Variants in MORC1 observed in about 807,000 individuals in gnomAD.
MORC1 encodes MORC family CW-type zinc finger protein 1.
Under a neutral mutation model 134.9 loss-of-function variants are expected in MORC1, and 59 were observed. The observed-to-expected ratio is 0.44, with a 90% CI of 0.35 to 0.54. MORC1 has a LOEUF of 0.54. Ranked by LOEUF, MORC1 falls within the 20% of genes least tolerant of loss-of-function variation. MORC1 has a pLI of 0.00. For missense variants in MORC1, 947 were observed against 1,134.5 expected (o/e 0.83, Z 2.37); for synonymous variants, 395 against 391.7 (o/e 1.01, Z -0.10).
chr3:109,115,173 T>C (rs1228638529), intron 1 of MORC1, among the ~76,000 whole-genome samples: 2 of 152,202 alleles, frequency 1.3e-5, no homozygotes, highest in Non-Finnish European at 2.9e-5. Context: ...TAAGGGAATA[T>C]TCAGCATGCA....
chr3:108,963,044 G>A (rs10490845), intron 27 of MORC1, among the ~76,000 whole-genome samples: 54,923 of 151,844 alleles, frequency 0.36, 10,695 homozygotes, highest in Non-Finnish European at 0.43. Context: ...TCTGAACTAA[G>A]ATACAAAAGA....
At position 109,111,264 on chromosome 3, in the gene MORC1, C is replaced by T. The variant is rs541314555; in HGVS notation, c.120-481G>A. Among the ~76,000 whole-genome samples, 4 of 152,218 alleles carry T rather than the reference C, an allele frequency of 2.6e-5. No homozygotes were observed. In the South Asian group the frequency reaches 8.3e-4, roughly 32 times the overall value. On this transcript the variant is annotated intron_variant, in intron 2 of 27. Coordinates refer to ENST00000232603, the MANE Select transcript of MORC1 (RefSeq NM_014429.4). Reference sequence around the variant, plus strand: ...GTTAGAGGTTGGAAAACTATAGCCACGGACCAAAATGGCCCATCAACTGTT... The same window carrying T: ...GTTAGAGGTTGGAAAACTATAGCCATGGACCAAAATGGCCCATCAACTGTT...
intron 14 of MORC1, among the ~76,000 whole-genome samples, chr3:109,044,926 C>T (rs1162260078): frequency 4.5e-5 from 6 of 133,206 alleles, no homozygotes; most frequent in Non-Finnish European, 7.8e-5. Context: ...GCCTAGGCAA[C>T]AGAGTGAGAC....
At chr3:109,099,604 AC>A (rs1276620140) in intron 5 of MORC1, 138 bp from the exon 6 acceptor site, 3 of 610,986 alleles carry the variant, frequency 4.9e-6, no homozygotes, top group Admixed American at 4.0e-5. Context: ...TCAAGAGGGT[AC>A]AATTTTTTTT....
Position 109,006,918 on chromosome 3 carries a change from C to A in MORC1, c.1767+111G>T, listed in dbSNP as rs79823764. 6,474 of 658,476 alleles carry A rather than the reference C, an allele frequency of 9.8e-3. 300 individuals are homozygous for A. The African/African-American group carries it at 0.1, about 11-fold the overall frequency. 40.8% of individuals were successfully genotyped at this position (658,476 alleles called of 1,614,324 possible). A position where few individuals can be genotyped will look rare whatever the true frequency, so the allele number is the denominator to read the frequency against. On this transcript the variant is annotated intron_variant, in intron 18 of 27. Transcript: ENST00000232603. ...AAATGGCAGTTAAAATCTACTAGTG[C>A]TTCACTATGTGAACCTCATAAACCA... is the stretch of plus-strand genomic sequence containing the variant.
At chr3:109,041,259 C>A (rs780550198) in intron 14 of MORC1, among the ~76,000 whole-genome samples, 1 of 150,152 alleles carries the variant, frequency 6.7e-6, no homozygotes, top group Non-Finnish European at 1.5e-5. Context: ...TGCAGTGAGC[C>A]GAGATCGCGC....
intron 5 of MORC1, 114 bp downstream of exon 5, chr3:109,100,303 C>A (rs962924797): frequency 1.4e-5 from 12 of 847,444 alleles, no homozygotes; most frequent in Middle Eastern, 3.6e-4. Context: ...ACCCCTGCCT[C>A]AAGTTTATAT....
At chr3:109,018,660 A>G (rs1344373020) in intron 17 of MORC1, among the ~76,000 whole-genome samples, 2 of 152,166 alleles carry the variant, frequency 1.3e-5, no homozygotes, top group South Asian at 4.1e-4. Context: ...CTCTCACCCA[A>G]TCCATTGCTC....
intron 8 of MORC1, among the ~76,000 whole-genome samples, chr3:109,085,132 C>T (rs1576725571): frequency 6.6e-6 from 1 of 151,448 alleles, no homozygotes; most frequent in Non-Finnish European, 1.5e-5. Flanking sequence ...GTCTGTCTGT[C>T]TGTGTATGTG....
intron 8 of MORC1, among the ~76,000 whole-genome samples, chr3:109,082,270 G>C (rs180955814): frequency 2.0e-5 from 3 of 150,692 alleles, no homozygotes; most frequent in Admixed American, 2.0e-4. Context: ...AAAACCACCA[G>C]GTAAATTACG....
At chr3:108,987,446 G>A (rs982090743) in intron 21 of MORC1, among the ~76,000 whole-genome samples, 19 of 152,234 alleles carry the variant, frequency 1.2e-4, no homozygotes, top group Admixed American at 1.1e-3. Context: ...ATAAGAAGAT[G>A]GGGAAAGGGA....
intron 21 of MORC1, among the ~76,000 whole-genome samples, chr3:108,987,822 A>C (rs1241585551): frequency 6.6e-6 from 1 of 151,922 alleles, no homozygotes; most frequent in Non-Finnish European, 1.5e-5. Flanking sequence ...AGACACCCAG[A>C]ATGCTCCCTC....
At chr3:108,971,742 C>T (rs1479132483) in intron 24 of MORC1, among the ~76,000 whole-genome samples, 1 of 142,466 alleles carries the variant, frequency 7.0e-6, no homozygotes, top group Admixed American at 7.2e-5. Flanking sequence ...GATCTCTCAG[C>T]ATTATTTCTT....
At chr3:108,982,364 CTAG>C (rs1576593380) in intron 23 of MORC1, among the ~76,000 whole-genome samples, 1 of 152,056 alleles carries the variant, frequency 6.6e-6, no homozygotes, top group Non-Finnish European at 1.5e-5. Flanking sequence ...GGATCTAGAA[CTAG>C]AAATACCATT....
intron 2 of MORC1, among the ~76,000 whole-genome samples, chr3:109,111,274 T>C (rs144933947): frequency 1.3e-5 from 2 of 152,304 alleles, no homozygotes; most frequent in South Asian, 4.1e-4. Flanking sequence ...CGGACCAAAA[T>C]GGCCCATCAA....
At chr3:108,989,790 A>G (rs1477136538) in intron 21 of MORC1, among the ~76,000 whole-genome samples, 1 of 152,102 alleles carries the variant, frequency 6.6e-6, no homozygotes, top group Non-Finnish European at 1.5e-5. Flanking sequence ...CCTCCCCTTC[A>G]GTCAGTAATT....
intron 10 of MORC1, among the ~76,000 whole-genome samples, chr3:109,062,786 C>T (rs539156983): frequency 6.6e-6 from 1 of 152,222 alleles, no homozygotes; most frequent in African/African-American, 2.4e-5. Flanking sequence ...GACACAGTCT[C>T]GCTATGTTGC....
At chr3:109,093,379 C>A in intron 8 of MORC1, 57 bp downstream of exon 8, 1 of 1,317,864 alleles carries the variant, frequency 7.6e-7, no homozygotes, top group Non-Finnish European at 1.1e-6. Flanking sequence ...GGATGCAGGG[C>A]TCCTAACTCT....
intron 17 of MORC1, among the ~76,000 whole-genome samples, chr3:109,018,495 A>C (rs1221290230): frequency 6.6e-6 from 1 of 152,064 alleles, no homozygotes; most frequent in African/African-American, 2.4e-5. Flanking sequence ...AGATCTGTTT[A>C]TATTCCAAAG....
Sources: allele counts gnomAD v4.1 joint callset (sites outside exome capture counted in the v4.1 genomes callset), GRCh38; gene constraint gnomAD v4.1.1; transcripts MANE v1.5; gene names NCBI Gene and HGNC (gene_info 2026-07-23, HGNC 2026-07-21).